Variants in SLC19A3 observed in about 807,000 individuals in gnomAD.
The protein encoded by SLC19A3 is solute carrier family 19 member 3.
A neutral mutation model predicts 40.2 loss-of-function variants in SLC19A3; 31 were observed. That is an observed-to-expected ratio of 0.77 (90% CI 0.58 to 1.04). The LOEUF is 1.04. Ranked by LOEUF, SLC19A3 falls within the 50% of genes least tolerant of loss-of-function variation. The probability of loss-of-function intolerance (pLI) is 0.00; values close to 1 mark genes in which losing one functional copy is unlikely to be tolerated. For synonymous variants in SLC19A3, 212 were observed against 227.5 expected (o/e 0.93, Z 0.61); for missense variants, 592 against 596.7 (o/e 0.99, Z 0.08).
intron 4 of SLC19A3, among the ~76,000 whole-genome samples, chr2:227,689,447 T>A (rs904058743): frequency 3.9e-5 from 6 of 152,038 alleles, no homozygotes; most frequent in African/African-American, 1.4e-4. Context: ...AACCAGGGAG[T>A]GGCATGACAT....
At chr2:227,700,069 GT>G (rs1298925318) in intron 2 of SLC19A3, among the ~76,000 whole-genome samples, 1 of 151,900 alleles carries the variant, frequency 6.6e-6, no homozygotes, top group Non-Finnish European at 1.5e-5. Flanking sequence ...AAGAGACGGG[GT>G]TTCACCATGT....
chr2:227,702,249 A>AACCAAAT lies in SLC19A3; in HGVS notation c.63_69dup (p.Phe24IlefsTer23). 1 of 1,614,060 alleles carries AACCAAAT rather than the reference A, an allele frequency of 6.2e-7. No individual in the cohort carries two copies. Among genetic ancestry groups the AACCAAAT allele is most frequent in the Non-Finnish European group, 8.5e-7 (1 of 1,179,942 alleles). On this transcript the variant is annotated frameshift_variant, in exon 2 of 6. Coordinates refer to ENST00000644224, the MANE Select transcript of SLC19A3 (RefSeq NM_025243.4). LOFTEE classifies it high-confidence loss of function. The stretch of plus-strand genomic sequence containing the variant: ...TCTGAGGGTCTCATCATGGAGAAAA[A>AACCAAAT]ACCAAATAAGCAGAGGATCACAGTG...
chr2:227,690,165 A>T (rs79144487), intron 4 of SLC19A3, among the ~76,000 whole-genome samples: 3 of 152,146 alleles, frequency 2.0e-5, no homozygotes, highest in African/African-American at 7.2e-5. Flanking sequence ...TTCAAAAGAG[A>T]GTGGTTGAAT....
chr2:227,704,320 A>G (rs1342844606), intron 1 of SLC19A3, among the ~76,000 whole-genome samples: 2 of 152,360 alleles, frequency 1.3e-5, no homozygotes, highest in East Asian at 3.9e-4. Flanking sequence ...CATGCCTTAC[A>G]GGACAGAAAG....
chr2:227,705,959 G>A (rs1209223974), intron 1 of SLC19A3, among the ~76,000 whole-genome samples: 4 of 151,822 alleles, frequency 2.6e-5, no homozygotes, highest in Non-Finnish European at 4.4e-5. Context: ...GAGGTGAGAG[G>A]ATGACTTTAG....
At chr2:227,696,279 A>T (rs1404999863) in intron 3 of SLC19A3, among the ~76,000 whole-genome samples, 198 bp from the exon 4 acceptor site, 1 of 152,100 alleles carries the variant, frequency 6.6e-6, no homozygotes, top group African/African-American at 2.4e-5. Context: ...TTCACTTGCT[A>T]TTCTTTCGGT....
In SLC19A3 at chr2:227,687,097, C is replaced by T. The variant is rs886055760; in HGVS notation, c.*300G>A. 13 of 250,320 alleles carry T rather than the reference C, an allele frequency of 5.2e-5. No homozygotes were observed. The highest frequency in any genetic ancestry group is 2.0e-4 in the African/African-American group (9 of 44,616). 15.5% of individuals were successfully genotyped at this position (250,320 alleles called of 1,614,324 possible). ...GGAGTTTTCTCATGGTTTGGTTCCA[C>T]GCCATCTGCATGTCTTTACAAGTGA... On this transcript the variant is annotated 3_prime_UTR_variant, in exon 6 of 6. Coordinates refer to ENST00000644224, the MANE Select transcript of SLC19A3 (RefSeq NM_025243.4).
At position 227,698,094 on chromosome 2, in the gene SLC19A3, A is replaced by G. The variant is rs188510460; in HGVS notation, c.979+642T>C. 1.1e-4 allele frequency among the ~76,000 whole-genome samples: 17 copies of G among 152,142 alleles called. No individual in the cohort carries two copies. The East Asian group carries it at 2.5e-3, about 23-fold the overall frequency. On this transcript the variant is annotated intron_variant, in intron 3 of 5. Transcript: ENST00000644224. ...CTCTGTCTCAAAAAATAAAAAAGTT[A>G]CTTGTAACTACAACACAATAGAAAG...
At chr2:227,690,469 A>C (rs1018498520) in intron 4 of SLC19A3, among the ~76,000 whole-genome samples, 5 of 152,068 alleles carry the variant, frequency 3.3e-5, no homozygotes, top group African/African-American at 1.2e-4. Flanking sequence ...GCACTTTGGG[A>C]GGCCGAGGTG....
At chr2:227,706,562 G>C in intron 1 of SLC19A3, 1 of 821,908 alleles carries the variant, frequency 1.2e-6, no homozygotes, top group Non-Finnish European at 1.6e-6. Context: ...CCTGAGGTCA[G>C]GAGTTCAAGA....
At position 227,684,995 on chromosome 2, in the gene SLC19A3, AAAAAAAAAAAG is replaced by A. The variant is rs1694964319; in HGVS notation, c.*2391_*2401del. 1 of 150,020 alleles carries A rather than the reference AAAAAAAAAAAG, an allele frequency of 6.7e-6. No homozygotes were observed. The highest frequency in any genetic ancestry group is 2.5e-5 in the African/African-American group (1 of 40,536). The allele number at this position is 150,020 out of a possible 1,614,324, so 9.3% of individuals were successfully genotyped here. On this transcript the variant is annotated 3_prime_UTR_variant, in exon 6 of 6. Transcript: ENST00000644224. ...AAGATTCTATCAAAAAAAAAAAAAA[AAAAAAAAAAAG>A]AAGAAGAAGAAAAAGAATAGCGGCC... is the stretch of plus-strand genomic sequence containing the variant.
At chr2:227,711,250 T>C (rs1462357730) in intron 1 of SLC19A3, among the ~76,000 whole-genome samples, 2 of 151,902 alleles carry the variant, frequency 1.3e-5, no homozygotes, top group Non-Finnish European at 2.9e-5. Flanking sequence ...AAACCCCGTC[T>C]CTAATACAAA....
intron 2 of SLC19A3, among the ~76,000 whole-genome samples, chr2:227,700,497 C>G (rs1695643818): frequency 6.6e-6 from 1 of 152,050 alleles, no homozygotes; most frequent in African/African-American, 2.4e-5. Context: ...GAGACTGTGC[C>G]ACTGTACTCC....
At chr2:227,689,902 T>C (rs969003213) in intron 4 of SLC19A3, among the ~76,000 whole-genome samples, 4 of 152,228 alleles carry the variant, frequency 2.6e-5, no homozygotes, top group Non-Finnish European at 4.4e-5. Context: ...TCTTTTTGCT[T>C]GTTTGTTTAT....
At chr2:227,687,767 G>A (rs1695074259) in intron 5 of SLC19A3, among the ~76,000 whole-genome samples, 194 bp from the exon 6 acceptor site, 2 of 152,034 alleles carry the variant, frequency 1.3e-5, no homozygotes, top group Non-Finnish European at 2.9e-5. Context: ...TAAGCAATAC[G>A]GTGACTAAGA....
chr2:227,690,706 C>CAAAAAAAAAAAAAAAAAAAAAAAA (rs34163746), intron 4 of SLC19A3, among the ~76,000 whole-genome samples: 4 of 39,166 alleles, frequency 1.0e-4, no homozygotes, highest in African/African-American at 3.8e-4. Flanking sequence ...GACTCCATCT[C>CAAAAAAAAAAAAAAAAAAAAAAAA]AAAAAAAAAA....
In SLC19A3 at chr2:227,691,698, A is replaced by G. The variant is rs528173951; in HGVS notation, c.1173-3391T>C. Among the ~76,000 whole-genome samples, 98 of 152,340 alleles carry G rather than the reference A, an allele frequency of 6.4e-4. 1 individual carries two copies. The highest frequency in any genetic ancestry group is 2.4e-3 in the African/African-American group (98 of 41,594). On this transcript the variant is annotated intron_variant, in intron 4 of 5. Transcript: ENST00000644224. The stretch of plus-strand genomic sequence containing the variant: ...AACTAGAAAAGTAAGAGTAAACTTA[A>G]CCCAAAATTAGTAGAAGAAAGGAAA...
rs778816786 is a variant in SLC19A3, at chr2:227,702,283, C to T, written c.36G>A (p.Trp12Ter). The T allele has an allele frequency of 6.2e-7, 1 of 1,614,034 alleles. No individual in the cohort carries two copies. Among genetic ancestry groups the T allele is most frequent in the Non-Finnish European group, 8.5e-7 (1 of 1,179,984 alleles). The change falls in exon 2 of 6, where the codon TGG becomes TGA. Residue 12 changes from tryptophan to a stop codon, truncating the protein, a stop_gained. Transcript: ENST00000644224. LOFTEE classifies it high-confidence loss of function. Reference protein sequence around the residue: ...DCYRTSLSSSWIYPTVILCLF... With the variant: ...DCYRTSLSSS ...AGCAGAGGATCACAGTGGGGTAAAT[C>T]CAGGAACTGCTTAGTGAAGTTCTGT...
chr2:227,698,002 C>G (rs1172739737), intron 3 of SLC19A3, among the ~76,000 whole-genome samples: 2 of 151,890 alleles, frequency 1.3e-5, no homozygotes, highest in Non-Finnish European at 2.9e-5. Context: ...TAGCTTGAAC[C>G]TGGGAGGCAG....
Sources: allele counts gnomAD v4.1 joint callset (sites outside exome capture counted in the v4.1 genomes callset), GRCh38; gene constraint gnomAD v4.1.1; transcripts MANE v1.5; gene names NCBI Gene and HGNC (gene_info 2026-07-23, HGNC 2026-07-21).